ORAI3: variants seen among roughly 807,000 people sequenced by gnomAD.
ORAI3 encodes the protein ORAI calcium release-activated calcium modulator 3.
Under a neutral mutation model 17.2 loss-of-function variants are expected in ORAI3, and 15 were observed. The ratio of observed to expected loss-of-function variants is 0.87; its 90% CI spans 0.58 to 1.34. The LOEUF is 1.34. Ranked by LOEUF, ORAI3 falls within the 40% of genes most tolerant of loss-of-function variation. The pLI is 0.00. For missense variants in ORAI3, 405 were observed against 396.7 expected (o/e 1.02, Z -0.18); for synonymous variants, 178 against 172.4 (o/e 1.03, Z -0.25).
In ORAI3 at chr16:30,954,891, C is replaced by T. The variant is rs1218761378; in HGVS notation, c.*1047C>T. 1 of 152,246 alleles carries T rather than the reference C, an allele frequency of 6.6e-6. No homozygotes were observed. Among genetic ancestry groups the T allele is most frequent in the East Asian group, 1.9e-4 (1 of 5,204 alleles). The allele number at this position is 152,246 out of a possible 1,614,324, so 9.4% of individuals were successfully genotyped here. A position where few individuals can be genotyped will look rare whatever the true frequency, so the allele number is the denominator to read the frequency against. On this transcript the variant is annotated 3_prime_UTR_variant, in exon 2 of 2. Coordinates refer to ENST00000318663, the MANE Select transcript of ORAI3 (RefSeq NM_152288.3). ...CTTGAAATACAAAGCTCTTCTGACACTGAATTTGGATGCACCTTGTTTTAT... is the reference window on the plus strand; with the variant it reads ...CTTGAAATACAAAGCTCTTCTGACATTGAATTTGGATGCACCTTGTTTTAT...
chr16:30,949,281 C>CT lies in ORAI3; in HGVS notation c.-9_-8insT. On this transcript the variant is annotated 5_prime_UTR_variant, in exon 1 of 2. Transcript: ENST00000318663. ...CGTAGTGACCGCCTGGTGCCGCCCC[C>CT]CCCCCAGGATGAAGGGCGGCGAGGG... 2.2e-6 allele frequency: 3 copies of CT among 1,395,182 alleles called. No homozygotes were observed. The highest frequency in any genetic ancestry group is 3.2e-5 in the South Asian group (2 of 63,382). The allele number at this position is 1,395,182 out of a possible 1,614,324, so 86.4% of individuals were successfully genotyped here. A position where few individuals can be genotyped will look rare whatever the true frequency, so the allele number is the denominator to read the frequency against.
At chr16:30,953,119 T>C in intron 1 of ORAI3, 66 bp from the exon 2 acceptor site, 2 of 1,469,602 alleles carry the variant, frequency 1.4e-6, no homozygotes, top group East Asian at 2.3e-5. Flanking sequence ...TGTATCCCGA[T>C]AGGCGGAAAA....
rs940671625 is a variant in ORAI3 at position 30,954,042 on chromosome 16, T to G, written c.*198T>G. The G allele has an allele frequency of 1.4e-6, 1 of 720,662 alleles. No homozygotes were observed. Among genetic ancestry groups the G allele is most frequent in the African/African-American group, 1.7e-5 (1 of 57,610 alleles). 44.6% of individuals were successfully genotyped at this position (720,662 alleles called of 1,614,324 possible). ...GGCAGCTCCCACATTCCCAGGGATT[T>G]TCCCCATCAGTCTGTCCCTTGGGTT... On this transcript the variant is annotated 3_prime_UTR_variant, in exon 2 of 2. Coordinates refer to ENST00000318663, the MANE Select transcript of ORAI3 (RefSeq NM_152288.3).
chr16:30,954,462 G>A lies in ORAI3; in HGVS notation c.*618G>A, dbSNP rs916368180. On this transcript the variant is annotated 3_prime_UTR_variant, in exon 2 of 2. Transcript: ENST00000318663. ...ACTCCTGGGCTCAAGTGAACCTCCCGCCTCGGCCTCCCAAAGTGCTGGGAT... is the reference window on the plus strand; with the variant it reads ...ACTCCTGGGCTCAAGTGAACCTCCCACCTCGGCCTCCCAAAGTGCTGGGAT... 4.3e-5 allele frequency: 10 copies of A among 232,930 alleles called. No individual in the cohort carries two copies. Among genetic ancestry groups the A allele is most frequent in the African/African-American group, 1.4e-4 (6 of 43,574 alleles). 14.4% of individuals were successfully genotyped at this position (232,930 alleles called of 1,614,324 possible). A position where few individuals can be genotyped will look rare whatever the true frequency, so the allele number is the denominator to read the frequency against.
In ORAI3 at chr16:30,949,432, C is replaced by T; in HGVS notation, c.143C>T (p.Ala48Val). 1 of 1,606,644 alleles carries T rather than the reference C, an allele frequency of 6.2e-7. No homozygotes were observed. The highest frequency in any genetic ancestry group is 8.5e-7 in the Non-Finnish European group (1 of 1,178,004). The change falls in exon 1 of 2, where the codon GCG becomes GTG. Residue 48 changes from alanine (A) to valine (V), a missense_variant. Ala to Val is a moderately conservative substitution (Grantham distance 64, BLOSUM62 0). Coordinates refer to ENST00000318663, the MANE Select transcript of ORAI3 (RefSeq NM_152288.3). ...GGGGCCAGTCAGCACTCGCTGCGGG[C>T]GCTCAGCTGGCGCCGCCTCTACCTC... ...LMGASQHSLR[A>V]LSWRRLYLSR...
chr16:30,950,180 C>T (rs2055917527), intron 1 of ORAI3, among the ~76,000 whole-genome samples: 1 of 152,100 alleles, frequency 6.6e-6, no homozygotes, highest in African/African-American at 2.4e-5. Context: ...GAGGGAGGTC[C>T]CAGGGTGAGG....
At chr16:30,951,934 G>A (rs975367425) in intron 1 of ORAI3, among the ~76,000 whole-genome samples, 5 of 152,172 alleles carry the variant, frequency 3.3e-5, no homozygotes, top group Admixed American at 6.5e-5. Flanking sequence ...AAACACGTCT[G>A]CAAGCTGGCA....
At position 30,954,353 on chromosome 16, in the gene ORAI3, T is replaced by C. The variant is rs1487986386; in HGVS notation, c.*509T>C. 1.9e-6 allele frequency: 1 copy of C among 540,102 alleles called. No individual in the cohort carries two copies. The highest frequency in any genetic ancestry group is 3.2e-5 in the East Asian group (1 of 31,096). 33.5% of individuals were successfully genotyped at this position (540,102 alleles called of 1,614,324 possible). A position where few individuals can be genotyped will look rare whatever the true frequency, so the allele number is the denominator to read the frequency against. ...CCACCACAGCCTCCCAGGTAGTGAG[T>C]AGCTGGTACTACAGGTGTGTGCTGC... On this transcript the variant is annotated 3_prime_UTR_variant, in exon 2 of 2. Transcript: ENST00000318663.
chr16:30,953,679 C>A lies in ORAI3; in HGVS notation c.723C>A (p.Gly241=), dbSNP rs1180969146. ...ACGGGGAHGP[G]WQAAMASTAI... is the part of the protein sequence containing the mutation. ...GTGGTGGTGGGGCCCATGGGCCAGG[C>A]TGGCAAGCAGCCATGGCCTCCACAG... The change falls in exon 2 of 2, where the codon GGC becomes GGA. Residue 241 remains glycine, a synonymous_variant. Coordinates refer to ENST00000318663, the MANE Select transcript of ORAI3 (RefSeq NM_152288.3). 2 of 1,614,034 alleles carry A rather than the reference C, an allele frequency of 1.2e-6. No homozygotes were observed. The highest frequency in any genetic ancestry group is 1.7e-6 in the Non-Finnish European group (2 of 1,180,042).
Position 30,953,954 on chromosome 16 carries a change from C to CA in ORAI3, c.*111dup. 8.2e-7 allele frequency: 1 copy of CA among 1,212,142 alleles called. No individual in the cohort carries two copies. The highest frequency in any genetic ancestry group is 1.2e-6 in the Non-Finnish European group (1 of 849,870). 75.1% of individuals were successfully genotyped at this position (1,212,142 alleles called of 1,614,324 possible). On this transcript the variant is annotated 3_prime_UTR_variant, in exon 2 of 2. Transcript: ENST00000318663. The stretch of plus-strand genomic sequence containing the variant: ...CCCATCCCCTGGCTGGAGCCACTTC[C>CA]AGTGGCCACTCTCAGGCAGAGTTCA...
At chr16:30,950,004 T>C (rs905777470) in intron 1 of ORAI3, 1 of 155,562 alleles carries the variant, frequency 6.4e-6, no homozygotes, top group Non-Finnish European at 1.4e-5. Flanking sequence ...GGGGTGCTAG[T>C]GTCAACCAGG....
chr16:30,950,604 C>G (rs947116770), intron 1 of ORAI3, among the ~76,000 whole-genome samples: 1 of 152,152 alleles, frequency 6.6e-6, no homozygotes, highest in South Asian at 2.1e-4. Context: ...GGGATCTGGG[C>G]TAGTCCCTGC....
At position 30,953,185 on chromosome 16, in the gene ORAI3, G is replaced by A; in HGVS notation, c.229G>A (p.Val77Met). The change falls in exon 2 of 2, where the codon GTG becomes ATG. Residue 77 changes from valine to methionine, a missense_variant and splice_region_variant. Coordinates refer to ENST00000318663, the MANE Select transcript of ORAI3 (RefSeq NM_152288.3). ...AGTACATCCCCTCTTGTCCCTGCAGGTGGCCATGGTGGAGGTGCAGCTGGA... is the reference window on the plus strand; with the variant it reads ...AGTACATCCCCTCTTGTCCCTGCAGATGGCCATGGTGGAGGTGCAGCTGGA... ...TSALLSGFAM[V>M]AMVEVQLESD... is the part of the protein sequence containing the mutation. 6.4e-7 allele frequency: 1 copy of A among 1,571,718 alleles called. No homozygotes were observed. Among genetic ancestry groups the A allele is most frequent in the South Asian group, 1.2e-5 (1 of 82,942 alleles).
intron 1 of ORAI3, among the ~76,000 whole-genome samples, chr16:30,950,454 G>A (rs2055919282): frequency 6.6e-6 from 1 of 152,162 alleles, no homozygotes; most frequent in Non-Finnish European, 1.5e-5. Context: ...TGGGACCCAG[G>A]GTTGCTGCTC....
chr16:30,953,937 C>G lies in ORAI3; in HGVS notation c.*93C>G, dbSNP rs989698558. ...CCTACAGACCTCATCCCCCCATCCC[C>G]TGGCTGGAGCCACTTCCAGTGGCCA... is the stretch of plus-strand genomic sequence containing the variant. On this transcript the variant is annotated 3_prime_UTR_variant, in exon 2 of 2. Coordinates refer to ENST00000318663, the MANE Select transcript of ORAI3 (RefSeq NM_152288.3). 8.0e-6 allele frequency: 11 copies of G among 1,377,450 alleles called. No individual in the cohort carries two copies. The highest frequency in any genetic ancestry group is 1.1e-5 in the Non-Finnish European group (11 of 1,000,120). The allele number at this position is 1,377,450 out of a possible 1,614,324, so 85.3% of individuals were successfully genotyped here. A position where few individuals can be genotyped will look rare whatever the true frequency, so the allele number is the denominator to read the frequency against.
chr16:30,949,294 A>G lies in ORAI3; in HGVS notation c.5A>G (p.Lys2Arg). The G allele has an allele frequency of 2.8e-6, 4 of 1,406,692 alleles. No individual in the cohort carries two copies. Among genetic ancestry groups the G allele is most frequent in the Non-Finnish European group, 2.8e-6 (3 of 1,085,250 alleles). 87.1% of individuals were successfully genotyped at this position (1,406,692 alleles called of 1,614,324 possible). ...TGGTGCCGCCCCCCCCCCAGGATGA[A>G]GGGCGGCGAGGGGGACGCGGGCGAG... M[K>R]GGEGDAGEQA... Residue 2 changes from lysine (K) to arginine (R), a missense_variant, in exon 1 of 2, where the codon AAG becomes AGG. Lys to Arg is a conservative substitution (Grantham distance 26, BLOSUM62 2). Coordinates refer to ENST00000318663, the MANE Select transcript of ORAI3 (RefSeq NM_152288.3).
At chr16:30,951,207 GGA>G (rs1165675699) in intron 1 of ORAI3, among the ~76,000 whole-genome samples, 1 of 152,186 alleles carries the variant, frequency 6.6e-6, no homozygotes, top group African/African-American at 2.4e-5. Context: ...CCAGGGATGG[GGA>G]GAGAGTGGGC....
intron 1 of ORAI3, chr16:30,949,843 C>T (rs1481223450): frequency 3.9e-6 from 1 of 254,656 alleles, no homozygotes; most frequent in African/African-American, 2.3e-5. Context: ...GAAGTGGTTC[C>T]TAAGTCCCAG....
At position 30,953,360 on chromosome 16, in the gene ORAI3, T is replaced by G; in HGVS notation, c.404T>G (p.Val135Gly). 1 of 1,614,196 alleles carries G rather than the reference T, an allele frequency of 6.2e-7. No homozygotes were observed. Among genetic ancestry groups the G allele is most frequent in the Non-Finnish European group, 8.5e-7 (1 of 1,180,028 alleles). Residue 135 changes from valine (V) to glycine (G), a missense_variant, in exon 2 of 2, where the codon GTC (valine) becomes GGC (glycine). Coordinates refer to ENST00000318663, the MANE Select transcript of ORAI3 (RefSeq NM_152288.3). ...AVSNIHNLNSVHQSPHQRLHR... is the reference protein window; with the variant it reads ...AVSNIHNLNSGHQSPHQRLHR... Reference sequence around the variant, plus strand: ...AGCAACATCCACAACCTCAACTCTGTCCACCAGTCGCCACACCAGAGACTG... The same window carrying G: ...AGCAACATCCACAACCTCAACTCTGGCCACCAGTCGCCACACCAGAGACTG...
Sources: allele counts gnomAD v4.1 joint callset (sites outside exome capture counted in the v4.1 genomes callset), GRCh38; gene constraint gnomAD v4.1.1; transcripts MANE v1.5; gene names NCBI Gene and HGNC (gene_info 2026-07-23, HGNC 2026-07-21).